Variants in CCDC40 observed in about 807,000 individuals in gnomAD.
CCDC40 encodes the protein coiled-coil domain 40 molecular ruler complex subunit.
A neutral mutation model predicts 124.5 loss-of-function variants in CCDC40; 104 were observed. The observed-to-expected ratio is 0.84, with a 90% CI of 0.71 to 0.98. CCDC40 has a LOEUF of 0.98. CCDC40 is among the 50% of genes least tolerant of loss of function. CCDC40 has a pLI of 0.00. For synonymous variants in CCDC40, 580 were observed against 602.9 expected (o/e 0.96, Z 0.56); for missense variants, 1,463 against 1,503.9 (o/e 0.97, Z 0.45).
chr17:80,063,110 G>T (rs866655872), intron 9 of CCDC40, among the ~76,000 whole-genome samples: 11 of 152,046 alleles, frequency 7.2e-5, no homozygotes, highest in Middle Eastern at 3.2e-3. Context: ...CAGGAGAATT[G>T]CTTGAACTCA....
At chr17:80,091,321 ACACACACAC>A (rs2038717417) in intron 17 of CCDC40, among the ~76,000 whole-genome samples, 2 of 151,184 alleles carry the variant, frequency 1.3e-5, no homozygotes, top group Admixed American at 1.3e-4. Context: ...ACACACACAC[ACACACACAC>A]ACACACACAC....
chr17:80,038,940 A>G (rs1249730453), intron 2 of CCDC40, among the ~76,000 whole-genome samples: 2 of 152,248 alleles, frequency 1.3e-5, no homozygotes, highest in African/African-American at 4.8e-5. Flanking sequence ...TCAGTTGAAG[A>G]GAGACTCATT....
rs755641994 is a variant in CCDC40 at position 80,048,586 on chromosome 17, T to A, written c.680T>A (p.Ile227Asn). 9 of 1,611,916 alleles carry A rather than the reference T, an allele frequency of 5.6e-6. No individual in the cohort carries two copies. Among genetic ancestry groups the A allele is most frequent in the Non-Finnish European group, 5.9e-6 (7 of 1,178,776 alleles). Residue 227 changes from isoleucine to asparagine, a missense_variant, in exon 5 of 20, where the codon ATC becomes AAC. Transcript: ENST00000397545. ...LEEFVSQEPVIPPGVPDAHPR... is the reference protein window; with the variant it reads ...LEEFVSQEPVNPPGVPDAHPR... ...GTGTCGCTGTCTCTCCCCCCAGTGA[T>A]CCCCCCAGGGGTGCCCGATGCCCAC...
intron 10 of CCDC40, among the ~76,000 whole-genome samples, chr17:80,070,991 G>A (rs889783417): frequency 6.6e-6 from 1 of 152,136 alleles, no homozygotes; most frequent in African/African-American, 2.4e-5. Flanking sequence ...AGACCAGACC[G>A]GGCCTGCCAC....
intron 12 of CCDC40, among the ~76,000 whole-genome samples, chr17:80,083,840 G>A (rs1333038171): frequency 6.6e-6 from 1 of 152,228 alleles, no homozygotes; most frequent in Admixed American, 6.5e-5. Flanking sequence ...TCTAACAATT[G>A]CTTCTTGCTT....
intron 12 of CCDC40, 65 bp downstream of exon 12, chr17:80,082,123 C>T: frequency 1.3e-6 from 2 of 1,485,394 alleles, no homozygotes; most frequent in East Asian, 4.6e-5. Context: ...TGAGGGCAAG[C>T]CGTCCTGGAG....
In CCDC40 at chr17:80,059,085, G is replaced by A. The variant is rs2037828620; in HGVS notation, c.1440+105G>A. The A allele has an allele frequency of 6.4e-6, 9 of 1,396,122 alleles. No individual in the cohort carries two copies. In the South Asian group the frequency reaches 7.0e-5, roughly 11 times the overall value. The allele number at this position is 1,396,122 out of a possible 1,614,324, so 86.5% of individuals were successfully genotyped here. A position where few individuals can be genotyped will look rare whatever the true frequency, so the allele number is the denominator to read the frequency against. ...CTGCACCTGCCCGTCTGCTGGATGA[G>A]TGACTGCAGCCAGCTTACATCTGCA... is the stretch of plus-strand genomic sequence containing the variant. On this transcript the variant is annotated intron_variant, in intron 9 of 19. Coordinates refer to ENST00000397545, the MANE Select transcript of CCDC40 (RefSeq NM_017950.4).
At chr17:80,073,311 C>T (rs1266636106) in intron 10 of CCDC40, among the ~76,000 whole-genome samples, 4 of 152,142 alleles carry the variant, frequency 2.6e-5, no homozygotes, top group South Asian at 2.1e-4. Context: ...TGAAGGTTGA[C>T]GGCAGCTCCG....
In CCDC40 at chr17:80,048,102, A is replaced by G. The variant is rs2037477341; in HGVS notation, c.677-481A>G. Among the ~76,000 whole-genome samples, 3 of 152,182 alleles carry G rather than the reference A, an allele frequency of 2.0e-5. No individual in the cohort carries two copies. The South Asian group carries it at 6.2e-4, about 32-fold the overall frequency. ...GGTGAAACCCCTGTCTCTACTAAAA[A>G]TACAAAAATTACCGGGCGTGGTGGC... On this transcript the variant is annotated intron_variant, in intron 4 of 19. Transcript: ENST00000397545.
At chr17:80,082,771 G>A (rs907687029) in intron 12 of CCDC40, among the ~76,000 whole-genome samples, 8 of 152,294 alleles carry the variant, frequency 5.3e-5, no homozygotes, top group Non-Finnish European at 8.8e-5. Flanking sequence ...CCAGGCCCCC[G>A]GGCCCCCGCC....
intron 7 of CCDC40, among the ~76,000 whole-genome samples, chr17:80,050,850 G>A (rs1351831378): frequency 6.6e-6 from 1 of 152,210 alleles, no homozygotes; most frequent in Non-Finnish European, 1.5e-5. Context: ...AGCTGCAGAG[G>A]TCCCAGGATA....
At chr17:80,074,621 G>A (rs1035495497) in intron 10 of CCDC40, among the ~76,000 whole-genome samples, 5 of 152,166 alleles carry the variant, frequency 3.3e-5, no homozygotes, top group Admixed American at 6.5e-5. Context: ...CTCTAAAACC[G>A]AAAAAAGGAA....
intron 10 of CCDC40, among the ~76,000 whole-genome samples, chr17:80,078,992 G>A (rs1046939086): frequency 2.0e-5 from 3 of 149,684 alleles, no homozygotes; most frequent in African/African-American, 5.0e-5. Flanking sequence ...GGAGTGCAGC[G>A]GAACAATCTC....
At chr17:80,097,683 T>G (rs984282912) in intron 19 of CCDC40, 17 of 465,346 alleles carry the variant, frequency 3.7e-5, no homozygotes, top group Middle Eastern at 5.8e-4. Context: ...TCCTGTGCTC[T>G]TAGAGGTTAC....
At chr17:80,072,692 T>C (rs2038221860) in intron 10 of CCDC40, among the ~76,000 whole-genome samples, 1 of 152,188 alleles carries the variant, frequency 6.6e-6, no homozygotes, top group African/African-American at 2.4e-5. Context: ...TAGCTTTTCT[T>C]GTCTGGCTTC....
chr17:80,099,135 C>CA (rs2038866320), intron 19 of CCDC40, among the ~76,000 whole-genome samples: 3 of 148,054 alleles, frequency 2.0e-5, no homozygotes, highest in Non-Finnish European at 4.5e-5. Flanking sequence ...AAAAAAAATA[C>CA]AAAAAATTAG....
Position 80,040,204 on chromosome 17 carries a change from C to G in CCDC40, c.486C>G (p.Ser162=), listed in dbSNP as rs777442116. 1.2e-5 allele frequency: 19 copies of G among 1,613,976 alleles called. No homozygotes were observed. The highest frequency in any genetic ancestry group is 1.5e-5 in the Non-Finnish European group (18 of 1,179,942). The change falls in exon 3 of 20, where the codon TCC becomes TCG. Residue 162 remains serine, a synonymous_variant. Transcript: ENST00000397545. ...RERRVTSPEP[S]HGVLGPSEQM... ...GGAGGGTCACCTCCCCAGAGCCATC[C>G]CACGGAGTCTTAGGCCCGTCGGAGC...
At chr17:80,055,998 A>AT (rs1568682555) in intron 7 of CCDC40, among the ~76,000 whole-genome samples, 10 of 5,304 alleles carry the variant, frequency 1.9e-3, no homozygotes, top group African/African-American at 3.6e-3. Context: ...ATATATATAT[A>AT]TATATATATA....
At chr17:80,082,945 T>C (rs1009738992) in intron 12 of CCDC40, among the ~76,000 whole-genome samples, 4 of 152,204 alleles carry the variant, frequency 2.6e-5, no homozygotes, top group Non-Finnish European at 4.4e-5. Flanking sequence ...ATGTTTGAAC[T>C]GCTCAAAGCC....
Sources: allele counts gnomAD v4.1 joint callset (sites outside exome capture counted in the v4.1 genomes callset), GRCh38; gene constraint gnomAD v4.1.1; transcripts MANE v1.5; gene names NCBI Gene and HGNC (gene_info 2026-07-23, HGNC 2026-07-21).